The following SHISA9 variants were observed in gnomAD, a reference collection of about 807,000 sequenced individuals.
SHISA9 encodes shisa family member 9.
SHISA9 carries 13 observed loss-of-function variants against 38.0 expected under a neutral mutation model. The observed-to-expected ratio is 0.34, with a 90% CI of 0.22 to 0.54. SHISA9 has a LOEUF of 0.54. Among genes scored for constraint, SHISA9 ranks in the 20% least tolerant of loss-of-function variants. The pLI, the probability that SHISA9 is intolerant of heterozygous loss-of-function variation, is 0.91. For missense variants in SHISA9, 538 were observed against 575.8 expected, an observed-to-expected ratio of 0.93 and a Z score of 0.67; for synonymous variants, 275 against 242.0, an observed-to-expected ratio of 1.14 and a Z score of -1.27.
Position 13,239,579 on chromosome 16 carries a change from G to C in SHISA9, c.*4170G>C, listed in dbSNP as rs2051418065. Reference sequence around the variant, plus strand: ...TTGTGGTTTTGATTTGCATTTCTCTGATGGCCAGTGATGATGAGCATTTTT... The same window carrying C: ...TTGTGGTTTTGATTTGCATTTCTCTCATGGCCAGTGATGATGAGCATTTTT... On this transcript the variant is annotated 3_prime_UTR_variant, in exon 5 of 5. Transcript: ENST00000558583. 6.6e-6 allele frequency: 1 copy of C among 152,168 alleles called. No homozygotes were observed. Among genetic ancestry groups the C allele is most frequent in the African/African-American group, 2.4e-5 (1 of 41,442 alleles). 9.4% of individuals were successfully genotyped at this position (152,168 alleles called of 1,614,324 possible). A position where few individuals can be genotyped will look rare whatever the true frequency, so the allele number is the denominator to read the frequency against.
the SHISA9 span, among the ~76,000 whole-genome samples, chr16:13,485,067 C>A: frequency 1.3e-5 from 2 of 151,514 alleles, no homozygotes; most frequent in African/African-American, 4.9e-5. Context: ...GATACATATG[C>A]AGAATGTGCA....
the SHISA9 span, among the ~76,000 whole-genome samples, chr16:13,511,232 A>G: frequency 6.6e-6 from 1 of 152,240 alleles, no homozygotes; most frequent in Non-Finnish European, 1.5e-5. Context: ...AGTCACTGAG[A>G]TGAAACTGTA....
At chr16:13,191,001 G>A (rs559301535) in intron 2 of SHISA9, among the ~76,000 whole-genome samples, 2 of 151,774 alleles carry the variant, frequency 1.3e-5, no homozygotes, top group East Asian at 1.9e-4. Flanking sequence ...CTTTTCTGAT[G>A]TAAGCCTAGG....
chr16:13,100,108 C>T (rs1005747495), intron 2 of SHISA9, among the ~76,000 whole-genome samples: 1 of 152,314 alleles, frequency 6.6e-6, no homozygotes, highest in South Asian at 2.1e-4. Flanking sequence ...GTAGGAATGT[C>T]AGCTCAGTGT....
the SHISA9 span, among the ~76,000 whole-genome samples, chr16:13,420,846 G>A: frequency 6.6e-6 from 1 of 152,144 alleles, no homozygotes; most frequent in Admixed American, 6.5e-5. Flanking sequence ...GAACAGCTGA[G>A]ATTCTGCAGA....
chr16:13,257,250 C>G, the SHISA9 span, among the ~76,000 whole-genome samples: 1 of 152,132 alleles, frequency 6.6e-6, no homozygotes, highest in Non-Finnish European at 1.5e-5. Flanking sequence ...TCATTAGAAC[C>G]CTGGAGAGTG....
In SHISA9 at chr16:13,236,752, C is replaced by G. The variant is rs1296181198; in HGVS notation, c.*1343C>G. Reference sequence around the variant, plus strand: ...AGGGGTACCCAAGAACGAAGACCTCCCTACTCTCTACACTATCAAAATTAG... The same window carrying G: ...AGGGGTACCCAAGAACGAAGACCTCGCTACTCTCTACACTATCAAAATTAG... On this transcript the variant is annotated 3_prime_UTR_variant, in exon 5 of 5. Transcript: ENST00000558583. 1 of 152,034 alleles carries G rather than the reference C, an allele frequency of 6.6e-6. No homozygotes were observed. The highest frequency in any genetic ancestry group is 6.6e-5 in the Admixed American group (1 of 15,248). 9.4% of individuals were successfully genotyped at this position (152,034 alleles called of 1,614,324 possible).
At chr16:13,007,687 G>A (rs1213650680) in intron 2 of SHISA9, among the ~76,000 whole-genome samples, 2 of 152,192 alleles carry the variant, frequency 1.3e-5, no homozygotes, top group Non-Finnish European at 2.9e-5. Context: ...GGCCCATGCA[G>A]ATCTGCTCAC....
Position 13,127,470 on chromosome 16 carries a change from C to T in SHISA9, c.692-75924C>T, listed in dbSNP as rs964268984. 2.0e-5 allele frequency among the ~76,000 whole-genome samples: 3 copies of T among 149,684 alleles called. No individual in the cohort carries two copies. In the East Asian group the frequency reaches 5.9e-4, roughly 30 times the overall value. Reference sequence around the variant, plus strand: ...AGATCGAGGGAGGGAGAGAGAGAAACAAGTAAAAGAGGAAAGAAAAGAGAG... The same window carrying T: ...AGATCGAGGGAGGGAGAGAGAGAAATAAGTAAAAGAGGAAAGAAAAGAGAG... On this transcript the variant is annotated intron_variant, in intron 2 of 4. Transcript: ENST00000558583.
chr16:12,928,176 ATT>A (rs11361092), intron 2 of SHISA9, among the ~76,000 whole-genome samples: 16 of 151,152 alleles, frequency 1.1e-4, no homozygotes, highest in African/African-American at 3.4e-4. Context: ...CTTATCTTAT[ATT>A]TTTTTTTTGC....
At chr16:13,379,379 G>A in the SHISA9 span, among the ~76,000 whole-genome samples, 2 of 152,166 alleles carry the variant, frequency 1.3e-5, no homozygotes, top group South Asian at 2.1e-4. Context: ...GACTTTTGGA[G>A]GGAGTGGGAG....
At chr16:13,399,942 C>T in the SHISA9 span, among the ~76,000 whole-genome samples, 43 of 152,346 alleles carry the variant, frequency 2.8e-4, 1 homozygote, top group East Asian at 5.6e-3. Context: ...ATGATGTTTA[C>T]ACCTGGAAGG....
At position 13,198,154 on chromosome 16, in the gene SHISA9, C is replaced by T. The variant is rs150797891; in HGVS notation, c.692-5240C>T. The stretch of plus-strand genomic sequence containing the variant: ...GAGCTGACACCACTCCACTGCACTC[C>T]AGTCTGGGCGACAGAGTGAGACTCC... On this transcript the variant is annotated intron_variant, in intron 2 of 4. Transcript: ENST00000558583. 2.3e-4 allele frequency among the ~76,000 whole-genome samples: 35 copies of T among 152,122 alleles called. 2 individuals carry two copies. The highest frequency in any genetic ancestry group is 6.8e-3 in the Middle Eastern group (2 of 294).
intron 1 of SHISA9, chr16:12,910,500 A>G (rs998347892): frequency 5.7e-5 from 56 of 985,308 alleles, no homozygotes; most frequent in Non-Finnish European, 6.6e-5. Flanking sequence ...GCACTTTTAT[A>G]AGTACTGGTT....
chr16:13,281,513 C>T, the SHISA9 span, among the ~76,000 whole-genome samples: 2 of 149,966 alleles, frequency 1.3e-5, no homozygotes, highest in Non-Finnish European at 3.0e-5. Context: ...TTTAAGTCAA[C>T]TATTTTTCTG....
At chr16:13,263,374 A>G in the SHISA9 span, among the ~76,000 whole-genome samples, 1 of 152,258 alleles carries the variant, frequency 6.6e-6, no homozygotes, top group African/African-American at 2.4e-5. Flanking sequence ...CGGAGTTCTC[A>G]TGAATGGTTT....
chr16:13,464,419 C>T, the SHISA9 span, among the ~76,000 whole-genome samples: 1,263 of 152,248 alleles, frequency 8.3e-3, 19 homozygotes, highest in African/African-American at 0.029. Flanking sequence ...ATCCTGAAGC[C>T]CCAAAACTGG....
the SHISA9 span, among the ~76,000 whole-genome samples, chr16:13,326,492 A>G: frequency 2.0e-5 from 3 of 152,330 alleles, no homozygotes; most frequent in Admixed American, 1.3e-4. Flanking sequence ...AGGATGAGGT[A>G]GGTGGATCAC....
At chr16:13,510,436 A>C in the SHISA9 span, among the ~76,000 whole-genome samples, 1 of 152,244 alleles carries the variant, frequency 6.6e-6, no homozygotes, top group Non-Finnish European at 1.5e-5. Context: ...GATCTGTTTT[A>C]CTATATCACG....
Sources: allele counts gnomAD v4.1 joint callset (sites outside exome capture counted in the v4.1 genomes callset), GRCh38; gene constraint gnomAD v4.1.1; transcripts MANE v1.5; gene names NCBI Gene and HGNC (gene_info 2026-07-23, HGNC 2026-07-21).